Variants in NRP1 observed in about 807,000 individuals in gnomAD.
NRP1 encodes neuropilin-1.
NRP1 carries 35 observed loss-of-function variants against 106.7 expected under a neutral mutation model. The observed-to-expected ratio is 0.33, with a 90% CI of 0.25 to 0.43. NRP1 has a LOEUF of 0.43. Ranked by LOEUF, NRP1 falls within the 20% of genes least tolerant of loss-of-function variation. The pLI is 1.00. For synonymous variants in NRP1, 437 were observed against 417.9 expected, an observed-to-expected ratio of 1.05 and a Z score of -0.56; for missense variants, 1,024 against 1,170.4, an observed-to-expected ratio of 0.87 and a Z score of 1.83.
chr10:33,197,346 T>C (rs1357580393), intron 12 of NRP1, among the ~76,000 whole-genome samples: 1 of 152,188 alleles, frequency 6.6e-6, no homozygotes, highest in African/African-American at 2.4e-5. Flanking sequence ...CCTTCTCCTG[T>C]AGTTTGCAAA....
intron 12 of NRP1, among the ~76,000 whole-genome samples, chr10:33,196,418 G>T (rs1182996658): frequency 6.6e-6 from 1 of 152,170 alleles, no homozygotes; most frequent in Non-Finnish European, 1.5e-5. Flanking sequence ...ATCTTCCTGA[G>T]GGCTGAGAAC....
intron 2 of NRP1, among the ~76,000 whole-genome samples, chr10:33,316,713 G>A (rs1847066163): frequency 1.3e-5 from 2 of 152,156 alleles, no homozygotes; most frequent in Non-Finnish European, 2.9e-5. Flanking sequence ...AGAGAAGAAG[G>A]CCCCAACACT....
chr10:33,328,019 A>AT, intron 2 of NRP1, among the ~76,000 whole-genome samples: 1 of 152,136 alleles, frequency 6.6e-6, no homozygotes, highest in Non-Finnish European at 1.5e-5. Context: ...ACAGAGAGCA[A>AT]AGCCTCAGTT....
At chr10:33,313,656 A>G (rs997279084) in intron 2 of NRP1, among the ~76,000 whole-genome samples, 2 of 152,210 alleles carry the variant, frequency 1.3e-5, no homozygotes, top group African/African-American at 4.8e-5. Context: ...ACAAAGGCCC[A>G]GAAAGTCTCA....
At chr10:33,264,635 G>T (rs1316802117) in intron 3 of NRP1, among the ~76,000 whole-genome samples, 3 of 152,150 alleles carry the variant, frequency 2.0e-5, no homozygotes, top group African/African-American at 7.2e-5. Context: ...TTTATAATGT[G>T]TAATTTTAAT....
chr10:33,188,910 A>AATATATATATATATATATATAT lies in NRP1; in HGVS notation c.2063-2444_2063-2423dup, dbSNP rs9299704. Among the ~76,000 whole-genome samples the AATATATATATATATATATATAT allele has an allele frequency of 3.5e-3, 390 of 111,204 alleles. 2 individuals are homozygous for AATATATATATATATATATATAT. The highest frequency in any genetic ancestry group is 6.1e-3 in the East Asian group (17 of 2,776). The allele number at this position is 111,204 out of a possible 152,430, so 73.0% of individuals were successfully genotyped here. ...CCTAGGCAACAGAGACCCTGTCTTAAATATATATATATATATATATATATA... is the reference window on the plus strand; with the variant it reads ...CCTAGGCAACAGAGACCCTGTCTTAAATATATATATATATATATATATATATATATATATATATATATATATA... On this transcript the variant is annotated intron_variant, in intron 13 of 16. Transcript: ENST00000374867.
intron 2 of NRP1, among the ~76,000 whole-genome samples, chr10:33,283,363 A>C (rs955030509): frequency 2.0e-5 from 3 of 152,106 alleles, no homozygotes; most frequent in Admixed American, 6.5e-5. Flanking sequence ...TCATTTTTTG[A>C]AATTCTATTA....
At chr10:33,207,461 G>A in intron 10 of NRP1, 111 bp downstream of exon 10, 4 of 1,177,944 alleles carry the variant, frequency 3.4e-6, no homozygotes, top group Non-Finnish European at 4.8e-6. Context: ...GAGATAAGGG[G>A]CCTCCCAAGG....
chr10:33,272,777 G>A (rs532210625), intron 2 of NRP1, among the ~76,000 whole-genome samples: 5 of 152,202 alleles, frequency 3.3e-5, no homozygotes, highest in Middle Eastern at 6.8e-3. Context: ...TTGGCCTGGC[G>A]ACGGTGCATC....
intron 4 of NRP1, among the ~76,000 whole-genome samples, chr10:33,260,168 G>A (rs536390968): frequency 6.6e-6 from 1 of 152,104 alleles, no homozygotes; most frequent in African/African-American, 2.4e-5. Context: ...CTGGCCTAAA[G>A]GTATCCTTTT....
chr10:33,193,224 G>A (rs1324133788), intron 12 of NRP1, among the ~76,000 whole-genome samples: 1 of 152,016 alleles, frequency 6.6e-6, no homozygotes, highest in Non-Finnish European at 1.5e-5. Context: ...CCTTGTGTGT[G>A]CCCTACAAGG....
At chr10:33,222,903 C>T (rs1386413083) in intron 7 of NRP1, among the ~76,000 whole-genome samples, 2 of 152,216 alleles carry the variant, frequency 1.3e-5, no homozygotes, top group Admixed American at 6.5e-5. Flanking sequence ...CACAAGGACT[C>T]GTGGGGGCCA....
At chr10:33,212,943 T>C in intron 9 of NRP1, 1 of 390,358 alleles carries the variant, frequency 2.6e-6, no homozygotes, top group Non-Finnish European at 4.6e-6. Flanking sequence ...AGTGCTGGGA[T>C]TACAGGCATG....
Position 33,186,332 on chromosome 10 carries a change from A to T in NRP1, c.2219T>A (p.Leu740Gln). The change falls in exon 14 of 17, where the codon CTG becomes CAG. Residue 740 changes from leucine (L) to glutamine (Q), a missense_variant. Physicochemically the swap from Leu to Gln is moderately radical, Grantham distance 113. Around this residue, in one of 5 missense-constraint regions of NRP1, gnomAD observed 562 missense variants for 620.3 expected, o/e 0.91. Transcript: ENST00000374867. Reference sequence around the variant, plus strand: ...GTACTCCTCTGGCTTCTGGTAGCGCAGTTTGACCCTGAGTGTGCCGACGTG... The same window carrying T: ...GTACTCCTCTGGCTTCTGGTAGCGCTGTTTGACCCTGAGTGTGCCGACGTG... Reference protein sequence around the residue: ...GSHVGTLRVKLRYQKPEEYDQ... With the variant: ...GSHVGTLRVKQRYQKPEEYDQ... 1 of 1,614,146 alleles carries T rather than the reference A, an allele frequency of 6.2e-7. No homozygotes were observed. The highest frequency in any genetic ancestry group is 1.1e-5 in the South Asian group (1 of 91,086).
chr10:33,257,384 C>T (rs1842269303), intron 4 of NRP1, among the ~76,000 whole-genome samples: 1 of 152,172 alleles, frequency 6.6e-6, no homozygotes, highest in African/African-American at 2.4e-5. Flanking sequence ...CTCTTGTAAT[C>T]CCAGCACTTT....
chr10:33,228,427 C>A lies in NRP1; in HGVS notation c.982-2138G>T, dbSNP rs189703362. ...ACAAAACAAATAAAAAAAGCCAACC[C>A]CCTCCCAACTTTTGAATTTTGCTTT... On this transcript the variant is annotated intron_variant, in intron 6 of 16. Coordinates refer to ENST00000374867, the MANE Select transcript of NRP1 (RefSeq NM_003873.7). Among the ~76,000 whole-genome samples the A allele has an allele frequency of 2.0e-4, 31 of 152,138 alleles. No homozygotes were observed. The East Asian group carries it at 6.0e-3, about 29-fold the overall frequency.
chr10:33,214,199 C>T (rs930341625), intron 8 of NRP1, among the ~76,000 whole-genome samples: 14 of 152,242 alleles, frequency 9.2e-5, no homozygotes, highest in African/African-American at 3.1e-4. Flanking sequence ...GAGGACCTCC[C>T]AGGGGAGGTG....
chr10:33,222,446 G>A (rs1839322813), intron 7 of NRP1, among the ~76,000 whole-genome samples: 1 of 152,108 alleles, frequency 6.6e-6, no homozygotes, highest in African/African-American at 2.4e-5. Flanking sequence ...TCAAAACTGA[G>A]TTATAAATTA....
rs939766515 is a variant in NRP1 at position 33,289,468 on chromosome 10, T to A, written c.249-18612A>T. Among the ~76,000 whole-genome samples the A allele has an allele frequency of 5.3e-5, 8 of 152,318 alleles. No individual in the cohort carries two copies. The South Asian group carries it at 1.7e-3, about 32-fold the overall frequency. ...AGTGATAACTCTAATGAGGTCCACG[T>A]CATCATGACTCCTGTTTAGAGAAAT... On this transcript the variant is annotated intron_variant, in intron 2 of 16. Coordinates refer to ENST00000374867, the MANE Select transcript of NRP1 (RefSeq NM_003873.7).
Sources: gnomAD v4.1 joint callset for allele counts (sites outside exome capture counted in the v4.1 genomes callset) on GRCh38, gnomAD v4.1.1 for gene constraint, gnomAD v4.1.1 regional missense constraint, MANE v1.5 for transcripts, NCBI Gene and HGNC (gene_info 2026-07-23, HGNC 2026-07-21) for gene names.